FERMT2: variants seen among roughly 807,000 people sequenced by gnomAD.
The protein encoded by FERMT2 is FERM domain containing kindlin 2.
Under a neutral mutation model 82.7 loss-of-function variants are expected in FERMT2, and 15 were observed. The ratio of observed to expected loss-of-function variants is 0.18; its 90% confidence interval spans 0.12 to 0.28. The LOEUF (loss-of-function observed/expected upper bound fraction) is 0.28, where lower values mean the gene tolerates loss of function less well. Among genes scored for constraint, FERMT2 ranks in the 10% least tolerant of loss-of-function variants. The probability of loss-of-function intolerance (pLI) is 1.00; values close to 1 mark genes in which losing one functional copy is unlikely to be tolerated. For missense variants in FERMT2, 645 were observed against 809.4 expected, an observed-to-expected ratio of 0.80 and a Z score of 2.46; for synonymous variants, 274 against 271.5, an observed-to-expected ratio of 1.01 and a Z score of -0.09.
chr14:52,892,576 T>C (rs1359565488), intron 4 of FERMT2, among the ~76,000 whole-genome samples: 1 of 151,018 alleles, frequency 6.6e-6, no homozygotes, highest in Non-Finnish European at 1.5e-5. Context: ...TGCCTCACTC[T>C]CCCAAGTAGA....
intron 2 of FERMT2, among the ~76,000 whole-genome samples, chr14:52,944,491 G>A (rs999241337): frequency 2.6e-5 from 4 of 152,186 alleles, no homozygotes; most frequent in Admixed American, 6.5e-5. Context: ...GTCCAGTTAC[G>A]TATGCCTCTT....
In FERMT2 at chr14:52,943,698, C is replaced by T. The variant is rs117015949; in HGVS notation, c.157+6714G>A. Among the ~76,000 whole-genome samples the T allele has an allele frequency of 1.3e-3, 200 of 152,070 alleles. No homozygotes were observed. In the Middle Eastern group the frequency reaches 0.02, roughly 16 times the overall value. ...AGTCTGAAACTTCATCCAACTGCTC[C>T]CCAACATGTGTATGTTTGTGTGTAT... On this transcript the variant is annotated intron_variant, in intron 2 of 14. Transcript: ENST00000341590.
chr14:52,924,452 C>G (rs975854618), intron 2 of FERMT2, among the ~76,000 whole-genome samples: 2 of 152,180 alleles, frequency 1.3e-5, no homozygotes, highest in African/African-American at 4.8e-5. Context: ...ACTCCACCAC[C>G]TTGGTGACAT....
intron 2 of FERMT2, among the ~76,000 whole-genome samples, chr14:52,940,245 TCTGAAAC>T (rs139181123): frequency 0.021 from 3,191 of 152,220 alleles, 74 homozygotes; most frequent in East Asian, 0.074. Context: ...GATAATTAAG[TCTGAAAC>T]CTGAAACCTG....
intron 3 of FERMT2, among the ~76,000 whole-genome samples, chr14:52,911,347 G>A (rs1888298559): frequency 6.6e-6 from 1 of 151,968 alleles, no homozygotes; most frequent in Admixed American, 6.6e-5. Flanking sequence ...ATTAGTTCTT[G>A]AGCTACACAA....
intron 10 of FERMT2, among the ~76,000 whole-genome samples, chr14:52,866,332 A>G (rs981708563): frequency 6.6e-6 from 1 of 152,118 alleles, no homozygotes; most frequent in African/African-American, 2.4e-5. Context: ...TTCTGGTCAC[A>G]ATCTCTAATC....
intron 2 of FERMT2, among the ~76,000 whole-genome samples, chr14:52,934,302 A>T (rs1452531719): frequency 6.6e-6 from 1 of 152,254 alleles, no homozygotes; most frequent in Non-Finnish European, 1.5e-5. Flanking sequence ...GAAATGGAAA[A>T]AATAGCAAAA....
chr14:52,908,979 A>G (rs1020359984), intron 3 of FERMT2, among the ~76,000 whole-genome samples: 6 of 152,168 alleles, frequency 3.9e-5, no homozygotes, highest in African/African-American at 1.2e-4. Flanking sequence ...TGCGGCTAGC[A>G]TAAGGAAACT....
intron 3 of FERMT2, among the ~76,000 whole-genome samples, chr14:52,912,899 A>G (rs1443694877): frequency 6.6e-6 from 1 of 152,160 alleles, no homozygotes; most frequent in Non-Finnish European, 1.5e-5. Context: ...TATTCATTCA[A>G]TTAATGTTCT....
chr14:52,885,465 A>C (rs1886547645), intron 4 of FERMT2, among the ~76,000 whole-genome samples: 1 of 152,158 alleles, frequency 6.6e-6, no homozygotes, highest in South Asian at 2.1e-4. Context: ...CGTGGTTCAG[A>C]GACAATCCCA....
intron 12 of FERMT2, 58 bp from the exon 13 acceptor site, chr14:52,860,523 G>A: frequency 6.8e-7 from 1 of 1,480,316 alleles, no homozygotes; most frequent in Non-Finnish European, 9.2e-7. Flanking sequence ...TGGGAGAACT[G>A]AGACAAAAGA....
intron 2 of FERMT2, among the ~76,000 whole-genome samples, chr14:52,922,452 G>A (rs371327437): frequency 1.3e-5 from 2 of 148,388 alleles, no homozygotes; most frequent in South Asian, 4.4e-4. Context: ...CATAGCACCT[G>A]TTACAGCCTG....
intron 3 of FERMT2, among the ~76,000 whole-genome samples, chr14:52,901,825 G>A (rs1418587899): frequency 6.6e-6 from 1 of 152,184 alleles, no homozygotes. Context: ...AGTCTATAGA[G>A]GACACAGGTG....
At chr14:52,915,487 T>A (rs1888565269) in intron 3 of FERMT2, among the ~76,000 whole-genome samples, 1 of 152,250 alleles carries the variant, frequency 6.6e-6, no homozygotes, top group Admixed American at 6.5e-5. Context: ...CATGGAATTT[T>A]GGTTTATGAC....
Position 52,919,339 on chromosome 14 carries a change from A to C in FERMT2, c.175T>G (p.Ser59Ala). 6.3e-7 allele frequency: 1 copy of C among 1,597,886 alleles called. No individual in the cohort carries two copies. The highest frequency in any genetic ancestry group is 8.5e-7 in the Non-Finnish European group (1 of 1,172,296). The change falls in exon 3 of 15, where the codon TCT (serine) becomes GCT (alanine). Residue 59 changes from serine to alanine, a missense_variant. Coordinates refer to ENST00000341590, the MANE Select transcript of FERMT2 (RefSeq NM_006832.3). ...TTTTCCCACCAGAGAGCATGGTCAGACCAATCTTTTTTTACATCTATAAAA... is the reference window on the plus strand; with the variant it reads ...TTTTCCCACCAGAGAGCATGGTCAGCCCAATCTTTTTTTACATCTATAAAA... The part of the protein sequence containing the change: ...VEKLDVKKDW[S>A]DHALWWEKKR...
intron 3 of FERMT2, among the ~76,000 whole-genome samples, chr14:52,896,433 A>C (rs1475147989): frequency 6.6e-6 from 1 of 152,166 alleles, no homozygotes; most frequent in Admixed American, 6.6e-5. Flanking sequence ...GGGACCTGAA[A>C]CTAGGATCCT....
At chr14:52,910,453 A>C (rs1372089977) in intron 3 of FERMT2, among the ~76,000 whole-genome samples, 1 of 152,180 alleles carries the variant, frequency 6.6e-6, no homozygotes, top group East Asian at 1.9e-4. Context: ...CCTCTTAAGA[A>C]GGCTCTTCAT....
chr14:52,872,698 T>G (rs1566721644), intron 10 of FERMT2, 101 bp downstream of exon 10: 5 of 1,263,838 alleles, frequency 4.0e-6, no homozygotes, highest in African/African-American at 3.0e-5. Context: ...GTAAAGAAAT[T>G]GATTTTTTTA....
At chr14:52,909,700 A>G (rs1888205240) in intron 3 of FERMT2, among the ~76,000 whole-genome samples, 1 of 152,136 alleles carries the variant, frequency 6.6e-6, no homozygotes, top group Non-Finnish European at 1.5e-5. Flanking sequence ...TGGCAGGAGA[A>G]CTGCTTGAAC....
Sources: allele counts gnomAD v4.1 joint callset (sites outside exome capture counted in the v4.1 genomes callset), GRCh38; gene constraint gnomAD v4.1.1; transcripts MANE v1.5; gene names NCBI Gene and HGNC (gene_info 2026-07-23, HGNC 2026-07-21).